SDK1: variants seen among roughly 807,000 people sequenced by gnomAD.
SDK1 encodes sidekick cell adhesion molecule 1.
A neutral mutation model predicts 245.5 loss-of-function variants in SDK1; 157 were observed. The observed-to-expected ratio is 0.64, with a 90% CI of 0.56 to 0.73. SDK1 has a LOEUF of 0.73. SDK1 is among the 30% of genes least tolerant of loss of function. The pLI, the probability that SDK1 is intolerant of heterozygous loss-of-function variation, is 0.00. For synonymous variants in SDK1, 1,647 were observed against 1,278.5 expected (o/e 1.29, Z -6.15); for missense variants, 3,583 against 3,002.3 (o/e 1.19, Z -4.52).
At chr7:3,430,189 G>T (rs78485907) in intron 1 of SDK1, among the ~76,000 whole-genome samples, 22 of 152,272 alleles carry the variant, frequency 1.4e-4, no homozygotes, top group Non-Finnish European at 2.6e-4. Context: ...AGAAGGAGCC[G>T]TTTCAGCGAG....
At chr7:3,554,222 T>C (rs999171365) in intron 1 of SDK1, among the ~76,000 whole-genome samples, 2 of 152,180 alleles carry the variant, frequency 1.3e-5, no homozygotes, top group East Asian at 1.9e-4. Flanking sequence ...AGAGCACTTT[T>C]AAACAACCAA....
chr7:3,561,403 T>G (rs1779746123), intron 1 of SDK1, among the ~76,000 whole-genome samples: 1 of 152,176 alleles, frequency 6.6e-6, no homozygotes, highest in Non-Finnish European at 1.5e-5. Context: ...TCTGGTCACT[T>G]GTTTGTTCCT....
intron 29 of SDK1, among the ~76,000 whole-genome samples, chr7:4,148,185 G>A (rs907916897): frequency 1.3e-5 from 2 of 152,316 alleles, no homozygotes; most frequent in East Asian, 1.9e-4. Context: ...GGGCCAGAAC[G>A]TGTGCTTACG....
chr7:3,694,612 G>A (rs181332073), intron 4 of SDK1, among the ~76,000 whole-genome samples: 6 of 152,200 alleles, frequency 3.9e-5, no homozygotes, highest in Admixed American at 3.9e-4. Context: ...GAGACAGTAG[G>A]TGATCCAGTG....
rs770241049 is a variant in SDK1 at position 4,245,741 on chromosome 7, A to G, written c.6317A>G (p.Asn2106Ser). Residue 2106 changes from asparagine to serine, a missense_variant, in exon 44 of 45, where the codon AAC (asparagine) becomes AGC (serine). Physicochemically the swap from Asn to Ser is conservative, Grantham distance 46 (BLOSUM62 1). Transcript: ENST00000404826. ...YSDEDICNKYNGAVLTESVSL... is the reference protein window; with the variant it reads ...YSDEDICNKYSGAVLTESVSL... ...GACGAGGACATCTGCAACAAGTACA[A>G]CGGCGCCGTGCTGACCGAGAGCGTG... 76 of 1,613,878 alleles carry G rather than the reference A, an allele frequency of 4.7e-5. No homozygotes were observed. Among genetic ancestry groups the G allele is most frequent in the East Asian group, 1.3e-4 (6 of 44,866 alleles).
chr7:4,145,154 C>T (rs76086415), intron 28 of SDK1, among the ~76,000 whole-genome samples: 2,312 of 152,204 alleles, frequency 0.015, 63 homozygotes, highest in African/African-American at 0.053. Context: ...CCTGGCGGAG[C>T]TGCTCGGGAG....
chr7:3,740,438 T>A (rs545459336), intron 4 of SDK1, among the ~76,000 whole-genome samples: 3 of 152,340 alleles, frequency 2.0e-5, no homozygotes, highest in East Asian at 1.9e-4. Flanking sequence ...AACTGTGATA[T>A]TGAGCATGTG....
At chr7:3,522,547 CTTA>C (rs925223286) in intron 1 of SDK1, among the ~76,000 whole-genome samples, 2 of 151,980 alleles carry the variant, frequency 1.3e-5, no homozygotes, top group African/African-American at 4.8e-5. Context: ...GCCCCTTCAG[CTTA>C]TTATGGGTCC....
chr7:3,830,317 C>G (rs1403535824), intron 5 of SDK1, among the ~76,000 whole-genome samples: 1 of 152,282 alleles, frequency 6.6e-6, no homozygotes, highest in Admixed American at 6.5e-5. Flanking sequence ...TTTGCCTAAT[C>G]GGATTTTTTA....
chr7:4,245,978 A>ACGGCCTGCTCTGGGCCCCG (rs1786829572), intron 44 of SDK1, among the ~76,000 whole-genome samples, 173 bp downstream of exon 44: 1 of 152,036 alleles, frequency 6.6e-6, no homozygotes, highest in African/African-American at 2.4e-5. Flanking sequence ...ATTCAACCCC[A>ACGGCCTGCTCTGGGCCCCG]CGGCCTGCTC....
chr7:3,757,879 T>C (rs1305012634), intron 4 of SDK1, among the ~76,000 whole-genome samples: 1 of 152,124 alleles, frequency 6.6e-6, no homozygotes, highest in Non-Finnish European at 1.5e-5. Flanking sequence ...GGCTTGGTCT[T>C]TCTGGTGACC....
intron 9 of SDK1, among the ~76,000 whole-genome samples, chr7:3,966,272 C>T (rs993955039): frequency 2.0e-5 from 3 of 152,124 alleles, no homozygotes; most frequent in Admixed American, 1.3e-4. Flanking sequence ...GGATTCTCAG[C>T]AGGTGCAGGC....
At chr7:3,517,591 C>T (rs895078950) in intron 1 of SDK1, among the ~76,000 whole-genome samples, 2 of 152,152 alleles carry the variant, frequency 1.3e-5, no homozygotes, top group African/African-American at 4.8e-5. Context: ...CTTTTCATGA[C>T]TTGCAGCTCA....
chr7:3,804,906 C>T (rs962824970), intron 4 of SDK1, among the ~76,000 whole-genome samples: 1 of 151,922 alleles, frequency 6.6e-6, no homozygotes, highest in African/African-American at 2.4e-5. Flanking sequence ...AGATATTGGT[C>T]GAAGGACACA....
intron 1 of SDK1, among the ~76,000 whole-genome samples, chr7:3,500,532 ATTC>A (rs1782163972): frequency 6.6e-6 from 1 of 152,028 alleles, no homozygotes; most frequent in African/African-American, 2.4e-5. Context: ...CTTTCTCATT[ATTC>A]TTATGTGATC....
In SDK1 at chr7:3,661,731, A is replaced by G. The variant is rs1783363564; in HGVS notation, c.713+19626A>G. On this transcript the variant is annotated intron_variant, in intron 4 of 44. Transcript: ENST00000404826. ...AAAATGCAGTATAAAATGGTGGCTA[A>G]GAATGTAAACTCGGAAACCAGGCTG... 2.6e-5 allele frequency among the ~76,000 whole-genome samples: 4 copies of G among 152,326 alleles called. No homozygotes were observed. The South Asian group carries it at 8.3e-4, about 32-fold the overall frequency.
At position 4,090,259 on chromosome 7, in the gene SDK1, C is replaced by T. The variant is rs552292151; in HGVS notation, c.3324+10675C>T. Among the ~76,000 whole-genome samples the T allele has an allele frequency of 3.5e-4, 53 of 152,324 alleles. 1 individual carries two copies. The highest frequency in any genetic ancestry group is 1.3e-3 in the African/African-American group (52 of 41,568). On this transcript the variant is annotated intron_variant, in intron 22 of 44. Transcript: ENST00000404826. ...ATACTTTGAGATTCTTTAAAAACCT[C>T]ATTTCTCTTTCCAGTCTCATCCACC...
At chr7:3,565,053 G>A (rs1022617273) in intron 1 of SDK1, among the ~76,000 whole-genome samples, 1 of 151,828 alleles carries the variant, frequency 6.6e-6, no homozygotes, top group African/African-American at 2.4e-5. Flanking sequence ...TCGGTGGTAA[G>A]ATCACATGAC....
At chr7:3,874,604 C>A (rs553443718) in intron 5 of SDK1, among the ~76,000 whole-genome samples, 3 of 152,174 alleles carry the variant, frequency 2.0e-5, no homozygotes, top group African/African-American at 7.2e-5. Flanking sequence ...TCTCCACCCC[C>A]GTTCCCCTGC....
Sources: gnomAD v4.1 joint callset for allele counts (sites outside exome capture counted in the v4.1 genomes callset) on GRCh38, gnomAD v4.1.1 for gene constraint, MANE v1.5 for transcripts, NCBI Gene and HGNC (gene_info 2026-07-23, HGNC 2026-07-21) for gene names.